The following DAB1 variants were observed in gnomAD, a reference collection of about 807,000 sequenced individuals.
DAB1 encodes the protein disabled homolog 1.
DAB1 carries 15 observed loss-of-function variants against 64.6 expected under a neutral mutation model. The observed-to-expected ratio is 0.23, with a 90% confidence interval of 0.16 to 0.36. The LOEUF is 0.36. Ranked by LOEUF, DAB1 falls within the 10% of genes least tolerant of loss-of-function variation. DAB1 has a pLI of 1.00. For missense variants in DAB1, 596 were observed against 706.7 expected (o/e 0.84, Z 1.78); for synonymous variants, 235 against 251.9 (o/e 0.93, Z 0.64).
At chr1:57,898,308 C>T (rs72918593) in intron 5 of DAB1, among the ~76,000 whole-genome samples, 1,613 of 152,250 alleles carry the variant, frequency 0.011, 22 homozygotes, top group African/African-American at 0.036. Flanking sequence ...CTACTACTAC[C>T]AATGGCTGGG....
chr1:57,789,862 T>G (rs1301078760), intron 6 of DAB1, among the ~76,000 whole-genome samples: 1 of 152,192 alleles, frequency 6.6e-6, no homozygotes, highest in Non-Finnish European at 1.5e-5. Flanking sequence ...AGAAGATTTC[T>G]TGTCAGGAAA....
chr1:57,431,761 T>A (rs1163433466), intron 7 of DAB1, among the ~76,000 whole-genome samples: 1 of 152,132 alleles, frequency 6.6e-6, no homozygotes, highest in Non-Finnish European at 1.5e-5. Context: ...AACCTCCAAT[T>A]TTTTTCACTC....
intron 3 of DAB1, among the ~76,000 whole-genome samples, chr1:58,498,752 G>C (rs763731243): frequency 6.6e-6 from 1 of 152,080 alleles, no homozygotes; most frequent in African/African-American, 2.4e-5. Flanking sequence ...TAAAATCTCA[G>C]AGATGTGTTC....
In DAB1 at chr1:58,539,101, G is replaced by C. The variant is rs1485290005; in HGVS notation, n.32+7602C>G. The C allele has an allele frequency of 5.7e-6, 5 of 872,780 alleles. No homozygotes were observed. In the African/African-American group the frequency reaches 8.2e-5, roughly 14 times the overall value. 54.1% of individuals were successfully genotyped at this position (872,780 alleles called of 1,614,324 possible). ...AGTACTATAAAAATGAAAGTTTCCA[G>C]GCAGAAAACTCCACCTGTCACACTG... On this transcript the variant is annotated intron_variant and non_coding_transcript_variant, in intron 1 of 20. Coordinates refer to the DAB1 transcript ENST00000485760.
chr1:57,364,631 A>G (rs183022303), intron 1 of DAB1, among the ~76,000 whole-genome samples: 3 of 152,184 alleles, frequency 2.0e-5, no homozygotes, highest in African/African-American at 7.2e-5. Flanking sequence ...AATAGCAAAA[A>G]AACTGGATAT....
chr1:57,467,394 C>T (rs1019568833), intron 7 of DAB1, among the ~76,000 whole-genome samples: 20 of 152,270 alleles, frequency 1.3e-4, no homozygotes, highest in African/African-American at 4.8e-4. Context: ...GGTCCACAGG[C>T]CAGCAGTATT....
intron 5 of DAB1, among the ~76,000 whole-genome samples, chr1:58,139,451 C>T (rs1654157158): frequency 6.6e-6 from 1 of 152,136 alleles, no homozygotes; most frequent in African/African-American, 2.4e-5. Context: ...CTTCACATGG[C>T]ATTAGCAAGG....
At chr1:57,343,524 C>T (rs530802093) in intron 1 of DAB1, among the ~76,000 whole-genome samples, 18 of 152,326 alleles carry the variant, frequency 1.2e-4, no homozygotes, top group African/African-American at 2.9e-4. Flanking sequence ...GGGGAGGCTC[C>T]GCCGCACAAG....
At chr1:57,326,270 G>T (rs748972926) in intron 1 of DAB1, among the ~76,000 whole-genome samples, 1 of 152,170 alleles carries the variant, frequency 6.6e-6, no homozygotes. Flanking sequence ...TCAACCTTTG[G>T]ATCAGATGAA....
intron 3 of DAB1, among the ~76,000 whole-genome samples, chr1:58,399,883 T>C (rs1274256043): frequency 6.6e-6 from 1 of 152,142 alleles, no homozygotes; most frequent in Non-Finnish European, 1.5e-5. Context: ...AGATTTGTCT[T>C]TGAGTGAGAC....
At chr1:57,580,278 A>G (rs1386390670) in intron 7 of DAB1, among the ~76,000 whole-genome samples, 1 of 152,186 alleles carries the variant, frequency 6.6e-6, no homozygotes, top group Non-Finnish European at 1.5e-5. Flanking sequence ...AACCACAACA[A>G]TAAGGCTATA....
chr1:57,586,530 G>T (rs953790295), intron 7 of DAB1, among the ~76,000 whole-genome samples: 6 of 149,596 alleles, frequency 4.0e-5, no homozygotes, highest in Non-Finnish European at 7.4e-5. Context: ...ACTTCATGGC[G>T]AACCATGCTG....
At chr1:58,160,253 C>A (rs922456263) in intron 4 of DAB1, among the ~76,000 whole-genome samples, 3 of 152,116 alleles carry the variant, frequency 2.0e-5, no homozygotes, top group African/African-American at 7.2e-5. Flanking sequence ...GCTCTGGGAA[C>A]TTCTCCTGGA....
At chr1:58,191,869 A>T (rs1451133909) in intron 4 of DAB1, among the ~76,000 whole-genome samples, 1 of 152,204 alleles carries the variant, frequency 6.6e-6, no homozygotes, top group Non-Finnish European at 1.5e-5. Context: ...GAATGTTGTG[A>T]TGGGTGGAGG....
chr1:58,520,644 C>T (rs530941093), intron 2 of DAB1, among the ~76,000 whole-genome samples: 10 of 152,136 alleles, frequency 6.6e-5, no homozygotes, highest in African/African-American at 2.4e-4. Context: ...CATGCAAGCA[C>T]TAACTGAAAG....
At chr1:58,037,566 A>C (rs1183932846) in intron 5 of DAB1, among the ~76,000 whole-genome samples, 1 of 152,114 alleles carries the variant, frequency 6.6e-6, no homozygotes, top group Non-Finnish European at 1.5e-5. Context: ...GCTCCTTATG[A>C]GAATTTGATG....
intron 4 of DAB1, among the ~76,000 whole-genome samples, chr1:57,094,764 A>G (rs912582609): frequency 6.6e-6 from 1 of 152,156 alleles, no homozygotes; most frequent in Non-Finnish European, 1.5e-5. Flanking sequence ...TCTGTCTCTC[A>G]TTCCTGGGTC....
intron 7 of DAB1, among the ~76,000 whole-genome samples, chr1:57,568,529 T>C (rs1424940034): frequency 2.0e-5 from 3 of 152,240 alleles, no homozygotes; most frequent in Non-Finnish European, 4.4e-5. Context: ...TCTACTCATC[T>C]GATAAAGGTC....
intron 5 of DAB1, among the ~76,000 whole-genome samples, chr1:58,115,014 G>A (rs1000826031): frequency 6.6e-6 from 1 of 151,462 alleles, no homozygotes; most frequent in Non-Finnish European, 1.5e-5. Flanking sequence ...AAGAGCTTCT[G>A]CACAGCAAAA....
Sources: gnomAD v4.1 joint callset for allele counts (sites outside exome capture counted in the v4.1 genomes callset) on GRCh38, gnomAD v4.1.1 for gene constraint, MANE v1.5 for transcripts, NCBI Gene and HGNC (gene_info 2026-07-23, HGNC 2026-07-21) for gene names.